The following HDX variants were observed in gnomAD, a reference collection of about 807,000 sequenced individuals.
The protein encoded by HDX is highly divergent homeobox, also known as chromosome X open reading frame 43.
Under a neutral mutation model 45.2 loss-of-function variants are expected in HDX, and 19 were observed. The observed-to-expected ratio is 0.42, with a 90% CI of 0.29 to 0.62. The LOEUF is 0.62. Among genes scored for constraint, HDX ranks in the 20% least tolerant of loss-of-function variants. HDX has a pLI of 0.20. For synonymous variants in HDX, 188 were observed against 172.8 expected (o/e 1.09, Z -0.69); for missense variants, 532 against 493.9 (o/e 1.08, Z -0.73).
rs985917586 is a variant in HDX, at chrX:84,318,785, A to T, written c.*3104T>A. The stretch of plus-strand genomic sequence containing the variant: ...TTGGGTCTCAGCCTTTTCTTCTCCA[A>T]CAATAACAAACATTTCTATCACATG... On this transcript the variant is annotated 3_prime_UTR_variant, in exon 11 of 11. Coordinates refer to ENST00000373177, the MANE Select transcript of HDX (RefSeq NM_001177479.2). The T allele has an allele frequency of 1.8e-5, 2 of 111,116 alleles. No individual in the cohort carries two copies. Among genetic ancestry groups the T allele is most frequent in the Admixed American group, 9.6e-5 (1 of 10,458 alleles). The allele number at this position is 111,116 out of a possible 1,213,427, so 9.2% of individuals were successfully genotyped here.
intron 2 of HDX, among the ~76,000 whole-genome samples, chrX:84,479,415 C>T (rs995952363): frequency 9.0e-5 from 10 of 111,669 alleles, no homozygotes; most frequent in Non-Finnish European, 1.5e-4. Context: ...CTTGTAAAGT[C>T]GTATTTTATT....
chrX:84,365,787 A>T (rs942016093), intron 5 of HDX, among the ~76,000 whole-genome samples: 2 of 111,779 alleles, frequency 1.8e-5, no homozygotes, highest in Non-Finnish European at 3.8e-5. Flanking sequence ...TGAGCCAAAG[A>T]GTACGTGCGT....
At chrX:84,450,564 GA>G (rs1365483813) in intron 4 of HDX, among the ~76,000 whole-genome samples, 1 of 111,508 alleles carries the variant, frequency 9.0e-6, no homozygotes, top group African/African-American at 3.3e-5. Context: ...TTAGATTGGG[GA>G]AAAAAGAAGA....
intron 5 of HDX, among the ~76,000 whole-genome samples, chrX:84,365,672 C>A (rs193265741): frequency 2.7e-5 from 3 of 111,829 alleles, no homozygotes; most frequent in Non-Finnish European, 5.6e-5. Flanking sequence ...TCTGCTGGAA[C>A]ACAATGGGGA....
intron 7 of HDX, among the ~76,000 whole-genome samples, chrX:84,340,454 G>A (rs747238103): frequency 9.1e-6 from 1 of 110,294 alleles, no homozygotes; most frequent in South Asian, 3.8e-4. Context: ...AATACTATGG[G>A]CAGCTAATTT....
At chrX:84,378,649 C>T (rs2038116069) in intron 5 of HDX, among the ~76,000 whole-genome samples, 1 of 111,008 alleles carries the variant, frequency 9.0e-6, no homozygotes, top group Non-Finnish European at 1.9e-5. Context: ...AAGCATACAA[C>T]AGATACACAA....
At chrX:84,389,804 C>A (rs1029287721) in intron 5 of HDX, among the ~76,000 whole-genome samples, 1 of 110,586 alleles carries the variant, frequency 9.0e-6, no homozygotes, top group Non-Finnish European at 1.9e-5. Context: ...AAACTCCTGG[C>A]CTTTAAGCCG....
At chrX:84,388,039 G>A (rs757064294) in intron 5 of HDX, among the ~76,000 whole-genome samples, 1 of 111,670 alleles carries the variant, frequency 9.0e-6, no homozygotes, top group East Asian at 2.8e-4. Flanking sequence ...GAAGGATTTT[G>A]TTTCTTTTCT....
chrX:84,320,770 T>G lies in HDX; in HGVS notation c.*1119A>C, dbSNP rs368762456. 9.9e-5 allele frequency: 11 copies of G among 110,814 alleles called. No homozygotes were observed. In the East Asian group the frequency reaches 1.7e-3, roughly 17 times the overall value. 9.1% of individuals were successfully genotyped at this position (110,814 alleles called of 1,213,427 possible). A position where few individuals can be genotyped will look rare whatever the true frequency, so the allele number is the denominator to read the frequency against. On this transcript the variant is annotated 3_prime_UTR_variant, in exon 11 of 11. Transcript: ENST00000373177. The stretch of plus-strand genomic sequence containing the variant: ...AAAGGAAGAACTACAAAGAACAGTC[T>G]ACAGTGTGTTGCCATCTGGTACCTA...
At chrX:84,432,784 C>T (rs2148039257) in intron 5 of HDX, among the ~76,000 whole-genome samples, 1 of 111,054 alleles carries the variant, frequency 9.0e-6, no homozygotes, top group South Asian at 3.8e-4. Context: ...GATAGTTTGA[C>T]TTTCTCTCTT....
At chrX:84,372,559 G>A (rs2037922221) in intron 5 of HDX, among the ~76,000 whole-genome samples, 1 of 111,997 alleles carries the variant, frequency 8.9e-6, no homozygotes, top group African/African-American at 3.2e-5. Flanking sequence ...ACCTGCTAGA[G>A]TTTTGCATTT....
intron 2 of HDX, among the ~76,000 whole-genome samples, chrX:84,487,528 G>T (rs1049967562): frequency 1.8e-5 from 2 of 111,908 alleles, no homozygotes; most frequent in Admixed American, 9.5e-5. Flanking sequence ...GTGTTATTTT[G>T]GGTCTGTCCT....
chrX:84,337,915 G>A lies in HDX; in HGVS notation c.1661-1035C>T, dbSNP rs767496010. On this transcript the variant is annotated intron_variant, in intron 7 of 10. Transcript: ENST00000373177. The stretch of plus-strand genomic sequence containing the variant: ...TGCATGTATAATCCCTTCTGTTTTA[G>A]ATTACCCTCCACCAGCCCCTTAAAA... Among the ~76,000 whole-genome samples, 291 of 110,828 alleles carry A rather than the reference G, an allele frequency of 2.6e-3. 2 individuals carry two copies. Among genetic ancestry groups the A allele is most frequent in the African/African-American group, 9.2e-3 (282 of 30,571 alleles).
intron 2 of HDX, among the ~76,000 whole-genome samples, chrX:84,476,021 T>A (rs1244560482): frequency 2.7e-5 from 3 of 111,941 alleles, no homozygotes; most frequent in South Asian, 3.7e-4. Flanking sequence ...TACATAAAAA[T>A]TTAAAATTAT....
intron 6 of HDX, among the ~76,000 whole-genome samples, chrX:84,351,248 G>A (rs2037352345): frequency 9.0e-6 from 1 of 111,469 alleles, no homozygotes; most frequent in African/African-American, 3.3e-5. Context: ...AAGTGCAGGA[G>A]GGGATAAAAG....
chrX:84,453,292 C>T (rs2040042134), intron 4 of HDX, among the ~76,000 whole-genome samples: 1 of 112,174 alleles, frequency 8.9e-6, no homozygotes, highest in South Asian at 3.7e-4. Context: ...TTGGCTTTAA[C>T]TTAATATCAC....
intron 5 of HDX, among the ~76,000 whole-genome samples, chrX:84,407,572 A>G (rs748838199): frequency 1.8e-4 from 20 of 111,459 alleles, no homozygotes; most frequent in Non-Finnish European, 2.8e-4. Context: ...TTGTGTTCAT[A>G]CTCAATAATG....
intron 5 of HDX, among the ~76,000 whole-genome samples, chrX:84,383,088 A>G (rs2038227273): frequency 9.0e-6 from 1 of 111,543 alleles, no homozygotes; most frequent in Non-Finnish European, 1.9e-5. Context: ...AACGTGTAGT[A>G]TATATAAAAT....
intron 5 of HDX, among the ~76,000 whole-genome samples, chrX:84,398,830 C>A (rs1026614488): frequency 3.6e-5 from 4 of 111,605 alleles, no homozygotes; most frequent in African/African-American, 1.3e-4. Flanking sequence ...AAACACTCCT[C>A]AAAAGATGCA....
Sources: gnomAD v4.1 joint callset for allele counts (sites outside exome capture counted in the v4.1 genomes callset) on GRCh38, gnomAD v4.1.1 for gene constraint, MANE v1.5 for transcripts, NCBI Gene and HGNC (gene_info 2026-07-23, HGNC 2026-07-21) for gene names.